MLANA: variants seen among roughly 807,000 people sequenced by gnomAD.
MLANA encodes melanoma antigen recognized by T-cells 1.
A neutral mutation model predicts 15.7 loss-of-function variants in MLANA; 21 were observed. The ratio of observed to expected loss-of-function variants is 1.33; its 90% CI spans 0.95 to 1.92. MLANA has a LOEUF of 1.92. Among genes scored for constraint, MLANA ranks in the 40% most tolerant of loss-of-function variants. MLANA has a pLI of 0.00. For missense variants in MLANA, 164 were observed against 143.8 expected (o/e 1.14, Z -0.72); for synonymous variants, 56 against 51.5 (o/e 1.09, Z -0.37).
intron 2 of MLANA, among the ~76,000 whole-genome samples, chr9:5,897,145 T>C (rs2129918924): frequency 6.6e-6 from 1 of 152,368 alleles, no homozygotes; most frequent in Admixed American, 6.5e-5. Flanking sequence ...ACCTGGCTTT[T>C]AGTAGATGAG....
chr9:5,903,952 G>A (rs1204980560), intron 3 of MLANA, among the ~76,000 whole-genome samples: 1 of 151,790 alleles, frequency 6.6e-6, no homozygotes, highest in Admixed American at 6.6e-5. Flanking sequence ...CCACTTCCTG[G>A]GTTCAAGTGA....
chr9:5,893,164 A>C (rs563123355), intron 2 of MLANA, among the ~76,000 whole-genome samples: 13 of 152,354 alleles, frequency 8.5e-5, no homozygotes, highest in African/African-American at 1.9e-4. Context: ...AAAAACTCAC[A>C]ACTTAGTGGG....
At position 5,906,941 on chromosome 9, in the gene MLANA, AG is replaced by A; in HGVS notation, c.234del (p.Phe79LeufsTer47). On this transcript the variant is annotated frameshift_variant, in exon 4 of 5. Coordinates refer to ENST00000381477, the MANE Select transcript of MLANA (RefSeq NM_005511.2). LOFTEE classifies it high-confidence loss of function. ...CALTRRCPQE[G>X]FDHRDSKVSL... ...CCTTAACAAGAAGATGCCCACAAGA[AG>A]GGTTTGATCATCGGGACAGCAAAGT... 1.3e-6 allele frequency: 2 copies of A among 1,598,208 alleles called. No individual in the cohort carries two copies. The highest frequency in any genetic ancestry group is 8.5e-7 in the Non-Finnish European group (1 of 1,173,792).
At chr9:5,905,184 G>T (rs918572561) in intron 3 of MLANA, among the ~76,000 whole-genome samples, 2 of 152,126 alleles carry the variant, frequency 1.3e-5, no homozygotes, top group African/African-American at 4.8e-5. Context: ...TAGGCATTAT[G>T]AGTATCTTAA....
At position 5,897,285 on chromosome 9, in the gene MLANA, C is replaced by G. The variant is rs553549425; in HGVS notation, c.78-272C>G. The stretch of plus-strand genomic sequence containing the variant: ...CACATAAAGACCAGTTACTATGGCA[C>G]TTCTCATACCTGGAACTTGGGTGCC... On this transcript the variant is annotated intron_variant, in intron 2 of 4. Coordinates refer to ENST00000381477, the MANE Select transcript of MLANA (RefSeq NM_005511.2). 2.6e-5 allele frequency among the ~76,000 whole-genome samples: 4 copies of G among 152,316 alleles called. No homozygotes were observed. In the East Asian group the frequency reaches 7.7e-4, roughly 29 times the overall value.
intron 2 of MLANA, among the ~76,000 whole-genome samples, chr9:5,893,359 GGTCT>G (rs961413855): frequency 5.3e-5 from 8 of 152,126 alleles, no homozygotes; most frequent in African/African-American, 1.7e-4. Context: ...CCTCTTATGT[GGTCT>G]GTCCAGAACT....
intron 3 of MLANA, among the ~76,000 whole-genome samples, chr9:5,902,802 C>A (rs750074111): frequency 6.6e-6 from 1 of 151,970 alleles, no homozygotes; most frequent in East Asian, 1.9e-4. Context: ...CCATTGTGCT[C>A]TGCTGATTTC....
chr9:5,908,907 G>A lies in MLANA; in HGVS notation c.*199G>A. On this transcript the variant is annotated 3_prime_UTR_variant, in exon 5 of 5. Transcript: ENST00000381477. ...AGGAAATGATGAGAAATATTAAATT[G>A]GGAAAACTCCATCAATAAATGTTGC... is the stretch of plus-strand genomic sequence containing the variant. 1.8e-6 allele frequency: 1 copy of A among 553,648 alleles called. No homozygotes were observed. The highest frequency in any genetic ancestry group is 3.2e-6 in the Non-Finnish European group (1 of 313,432). The allele number at this position is 553,648 out of a possible 1,614,324, so 34.3% of individuals were successfully genotyped here.
At chr9:5,900,926 T>C (rs1832376902) in intron 3 of MLANA, among the ~76,000 whole-genome samples, 2 of 22,044 alleles carry the variant, frequency 9.1e-5, no homozygotes, top group South Asian at 2.5e-3. Flanking sequence ...GTCAGGGCAC[T>C]GTGTTTTTCA....
At chr9:5,897,947 G>T in intron 3 of MLANA, 1 of 302,112 alleles carries the variant, frequency 3.3e-6, no homozygotes, top group Middle Eastern at 1.0e-3. Context: ...TGGGAGGCTG[G>T]GAACTCCAAG....
Position 5,906,880 on chromosome 9 carries a change from T to G in MLANA, c.175-5T>G. On this transcript the variant is annotated splice_polypyrimidine_tract_variant and splice_region_variant and intron_variant, in intron 3 of 4. Transcript: ENST00000381477. ...CCCACTCACCTTTATCAATTTACAT[T>G]TCAGGATAAAAGTCTTCATGTTGGC... The G allele has an allele frequency of 3.9e-6, 6 of 1,548,638 alleles. No homozygotes were observed. The highest frequency in any genetic ancestry group is 4.3e-6 in the Non-Finnish European group (5 of 1,149,720).
rs1832114247 is a variant in MLANA, at chr9:5,897,580, C to G, written c.101C>G (p.Thr34Arg). ...AEEAAGIGIL[T>R]VILGVLLLIG... ...AGGGCCGCTGGGATCGGCATCCTGA[C>G]AGTGATCCTGGGAGTCTTACTGCTC... Residue 34 changes from threonine to arginine, a missense_variant, in exon 3 of 5, where the codon ACA (threonine) becomes AGA (arginine). Coordinates refer to ENST00000381477, the MANE Select transcript of MLANA (RefSeq NM_005511.2). The G allele has an allele frequency of 1.2e-6, 2 of 1,614,146 alleles. No homozygotes were observed. The highest frequency in any genetic ancestry group is 4.5e-5 in the East Asian group (2 of 44,888).
At position 5,892,430 on chromosome 9, in the gene MLANA, C is replaced by T; in HGVS notation, c.-25-20C>T. The T allele has an allele frequency of 6.4e-7, 1 of 1,572,878 alleles. No homozygotes were observed. Among genetic ancestry groups the T allele is most frequent in the South Asian group, 1.2e-5 (1 of 85,568 alleles). ...GTGGCTTTGGATGCATTAATGATGC[C>T]CACATGCTCCTTCTGTTAGGTGTCC... On this transcript the variant is annotated intron_variant, in intron 1 of 4. Transcript: ENST00000381477.
intron 3 of MLANA, among the ~76,000 whole-genome samples, chr9:5,904,882 T>C (rs925757202): frequency 2.6e-5 from 4 of 151,950 alleles, no homozygotes; most frequent in Admixed American, 2.6e-4. Context: ...CATGCCATTC[T>C]CCTGACTCAG....
Position 5,906,953 on chromosome 9 carries a change from T to A in MLANA, c.243T>A (p.His81Gln). The A allele has an allele frequency of 6.2e-7, 1 of 1,600,958 alleles. No individual in the cohort carries two copies. Among genetic ancestry groups the A allele is most frequent in the South Asian group, 1.1e-5 (1 of 89,112 alleles). ...GATGCCCACAAGAAGGGTTTGATCA[T>A]CGGGACAGCAAAGTGTCTCTTCAAG... ...TRRCPQEGFD[H>Q]RDSKVSLQEK... Residue 81 changes from histidine to glutamine, a missense_variant, in exon 4 of 5, where the codon CAT (histidine) becomes CAA (glutamine). Transcript: ENST00000381477.
At chr9:5,903,474 T>C (rs1183340397) in intron 3 of MLANA, among the ~76,000 whole-genome samples, 1 of 152,210 alleles carries the variant, frequency 6.6e-6, no homozygotes, top group Admixed American at 6.5e-5. Flanking sequence ...TCATTTTCTT[T>C]TCTTGTAATA....
intron 4 of MLANA, 33 bp from the exon 5 acceptor site, chr9:5,908,607 C>A (rs1038203278): frequency 1.3e-6 from 2 of 1,580,838 alleles, no homozygotes; most frequent in Non-Finnish European, 1.7e-6. Flanking sequence ...ACACTGTTGC[C>A]AAGCCCATAT....
chr9:5,907,509 T>A (rs1252474950), intron 4 of MLANA, among the ~76,000 whole-genome samples: 5 of 152,220 alleles, frequency 3.3e-5, no homozygotes, highest in Non-Finnish European at 7.3e-5. Context: ...TTCAAAAATA[T>A]TAGTATGTAG....
At chr9:5,898,264 GT>G (rs1427658844) in intron 3 of MLANA, 1 of 152,760 alleles carries the variant, frequency 6.5e-6, no homozygotes, top group Non-Finnish European at 1.5e-5. Context: ...GCCCAGGCTG[GT>G]CTCAAACTCC....
Sources: gnomAD v4.1 joint callset for allele counts (sites outside exome capture counted in the v4.1 genomes callset) on GRCh38, gnomAD v4.1.1 for gene constraint, MANE v1.5 for transcripts, NCBI Gene and HGNC (gene_info 2026-07-23, HGNC 2026-07-21) for gene names.